LRRTM3: variants seen among roughly 807,000 people sequenced by gnomAD.
LRRTM3 encodes the protein leucine rich repeat transmembrane neuronal 3.
Under a neutral mutation model 44.7 loss-of-function variants are expected in LRRTM3, and 24 were observed. The ratio of observed to expected loss-of-function variants is 0.54; its 90% CI spans 0.39 to 0.76. LRRTM3 has a LOEUF of 0.76. LRRTM3 is among the 30% of genes least tolerant of loss of function. The pLI is 0.00. For synonymous variants in LRRTM3, 277 were observed against 278.7 expected, an observed-to-expected ratio of 0.99 and a Z score of 0.06; for missense variants, 587 against 702.2, an observed-to-expected ratio of 0.84 and a Z score of 1.85.
intron 2 of LRRTM3, among the ~76,000 whole-genome samples, chr10:67,039,085 T>G (rs971459038): frequency 6.6e-6 from 1 of 152,106 alleles, no homozygotes; most frequent in Non-Finnish European, 1.5e-5. Context: ...TTACAGTTTC[T>G]ACCTGTCATT....
Position 67,058,368 on chromosome 10 carries a change from A to G in LRRTM3, c.1537-39219A>G, listed in dbSNP as rs1855564616. Among the ~76,000 whole-genome samples the G allele has an allele frequency of 2.6e-5, 4 of 152,182 alleles. No homozygotes were observed. In the South Asian group the frequency reaches 8.3e-4, roughly 31 times the overall value. On this transcript the variant is annotated intron_variant, in intron 2 of 2. Coordinates refer to ENST00000361320, the MANE Select transcript of LRRTM3 (RefSeq NM_178011.5). ...TTATGTATTACATTGGTTTCAAGAG[A>G]AATTTTATAATTCTTATTCTTTTTT...
intron 2 of LRRTM3, among the ~76,000 whole-genome samples, chr10:66,936,569 C>G (rs1446450505): frequency 2.6e-5 from 4 of 151,938 alleles, no homozygotes; most frequent in African/African-American, 9.7e-5. Flanking sequence ...TCTAGAATTC[C>G]CAATCAAATG....
intron 2 of LRRTM3, among the ~76,000 whole-genome samples, chr10:66,952,818 T>C (rs1848602945): frequency 1.3e-5 from 2 of 151,966 alleles, no homozygotes; most frequent in African/African-American, 4.8e-5. Context: ...CTGCTTGTAA[T>C]TTATTATATA....
At chr10:67,000,746 C>A (rs1851634268) in intron 2 of LRRTM3, among the ~76,000 whole-genome samples, 1 of 151,996 alleles carries the variant, frequency 6.6e-6, no homozygotes, top group African/African-American at 2.4e-5. Context: ...CCTCCCTCAC[C>A]CCACACCTGA....
intron 2 of LRRTM3, among the ~76,000 whole-genome samples, chr10:66,967,122 G>T (rs1480482886): frequency 6.6e-6 from 1 of 151,998 alleles, no homozygotes; most frequent in Non-Finnish European, 1.5e-5. Flanking sequence ...TTCTGCTAAT[G>T]AAACAATGGT....
chr10:67,061,112 C>T (rs1005307944), intron 2 of LRRTM3, among the ~76,000 whole-genome samples: 19 of 152,096 alleles, frequency 1.2e-4, no homozygotes, highest in Middle Eastern at 3.4e-3. Context: ...TAAAAATTAA[C>T]GGTTTGGGGA....
At chr10:67,030,837 C>G (rs1853675597) in intron 2 of LRRTM3, among the ~76,000 whole-genome samples, 1 of 152,058 alleles carries the variant, frequency 6.6e-6, no homozygotes, top group Non-Finnish European at 1.5e-5. Context: ...AACCCCGTCT[C>G]TACTAAAAAT....
At chr10:66,942,001 G>T (rs1248660279) in intron 2 of LRRTM3, among the ~76,000 whole-genome samples, 1 of 152,196 alleles carries the variant, frequency 6.6e-6, no homozygotes, top group East Asian at 1.9e-4. Context: ...TAGACCTGAA[G>T]TTAAATAAAC....
chr10:67,031,329 A>G (rs933689354), intron 2 of LRRTM3, among the ~76,000 whole-genome samples: 13 of 152,198 alleles, frequency 8.5e-5, no homozygotes, highest in Non-Finnish European at 1.6e-4. Context: ...AAATGCAAGA[A>G]GTCAAGTGGT....
chr10:66,982,563 A>G (rs1194239831), intron 2 of LRRTM3, among the ~76,000 whole-genome samples: 1 of 152,192 alleles, frequency 6.6e-6, no homozygotes, highest in African/African-American at 2.4e-5. Flanking sequence ...AGGAAGAGGT[A>G]TAAAATATTA....
intron 2 of LRRTM3, among the ~76,000 whole-genome samples, chr10:66,960,640 T>C (rs1849057861): frequency 6.6e-6 from 1 of 152,206 alleles, no homozygotes; most frequent in African/African-American, 2.4e-5. Flanking sequence ...ATTCCATCTT[T>C]GACATTCTGA....
intron 2 of LRRTM3, among the ~76,000 whole-genome samples, chr10:67,010,899 T>C (rs540466405): frequency 1.1e-4 from 17 of 152,202 alleles, no homozygotes; most frequent in Admixed American, 5.9e-4. Context: ...TTATTTCTTC[T>C]AAACCTAACA....
intron 2 of LRRTM3, among the ~76,000 whole-genome samples, chr10:66,947,813 A>T (rs764674009): frequency 6.6e-6 from 1 of 152,194 alleles, no homozygotes; most frequent in Non-Finnish European, 1.5e-5. Flanking sequence ...TGGCCAAGAG[A>T]GGAAAATGCA....
intron 2 of LRRTM3, among the ~76,000 whole-genome samples, chr10:67,021,598 T>C (rs1355751416): frequency 6.6e-6 from 1 of 152,086 alleles, no homozygotes; most frequent in Non-Finnish European, 1.5e-5. Context: ...TGTAGTGATA[T>C]GAGAAACATG....
rs544947041 is a variant in LRRTM3 at position 66,926,218 on chromosome 10, A to G, written c.-366A>G. ...CTCAGGTAGCCCCAAATTGCCTGGA[A>G]GAATACATCATGTTTTTCGATAAGA... On this transcript the variant is annotated 5_prime_UTR_variant, in exon 1 of 3. Transcript: ENST00000361320. 1.8e-5 allele frequency: 8 copies of G among 448,818 alleles called. No homozygotes were observed. Among genetic ancestry groups the G allele is most frequent in the Non-Finnish European group, 3.0e-5 (7 of 232,570 alleles). 27.8% of individuals were successfully genotyped at this position (448,818 alleles called of 1,614,324 possible).
intron 2 of LRRTM3, among the ~76,000 whole-genome samples, chr10:66,942,043 C>T (rs776399412): frequency 3.9e-5 from 6 of 152,146 alleles, no homozygotes; most frequent in Non-Finnish European, 7.3e-5. Flanking sequence ...CCTGGTAGCA[C>T]GGCATGGTAT....
At chr10:67,087,496 C>A (rs1433186708) in intron 2 of LRRTM3, among the ~76,000 whole-genome samples, 1 of 151,540 alleles carries the variant, frequency 6.6e-6, no homozygotes, top group African/African-American at 2.4e-5. Context: ...TTTAGATACA[C>A]AATTCATACC....
intron 2 of LRRTM3, among the ~76,000 whole-genome samples, chr10:66,955,852 G>A (rs2132743255): frequency 6.6e-6 from 1 of 152,236 alleles, no homozygotes; most frequent in Middle Eastern, 3.4e-3. Flanking sequence ...GGAGCCCATT[G>A]TGTCTCACCT....
chr10:67,091,717 T>C lies in LRRTM3; in HGVS notation c.1537-5870T>C, dbSNP rs868605365. Among the ~76,000 whole-genome samples, 6 of 152,096 alleles carry C rather than the reference T, an allele frequency of 3.9e-5. No homozygotes were observed. In the Middle Eastern group the frequency reaches 0.017, roughly 434 times the overall value. ...AGATGAGAGATGTGTGTGCCTGTCA[T>C]TGATGTCAAGAAAGTAACTGGCAAA... On this transcript the variant is annotated intron_variant, in intron 2 of 2. Coordinates refer to ENST00000361320, the MANE Select transcript of LRRTM3 (RefSeq NM_178011.5).
Sources: gnomAD v4.1 joint callset for allele counts (sites outside exome capture counted in the v4.1 genomes callset) on GRCh38, gnomAD v4.1.1 for gene constraint, MANE v1.5 for transcripts, NCBI Gene and HGNC (gene_info 2026-07-23, HGNC 2026-07-21) for gene names.